The following RASGEF1C variants were observed in gnomAD, a reference collection of about 807,000 sequenced individuals.
The protein encoded by RASGEF1C is RasGEF domain family member 1C.
RASGEF1C carries 27 observed loss-of-function variants against 58.1 expected under a neutral mutation model. That is an observed-to-expected ratio of 0.46 (90% CI 0.34 to 0.64). The LOEUF (loss-of-function observed/expected upper bound fraction) is 0.64. Among genes scored for constraint, RASGEF1C ranks in the 30% least tolerant of loss-of-function variants. The pLI is 0.01. For synonymous variants in RASGEF1C, 243 were observed against 246.3 expected, an observed-to-expected ratio of 0.99 and a Z score of 0.13; for missense variants, 502 against 605.1, an observed-to-expected ratio of 0.83 and a Z score of 1.79.
intron 1 of RASGEF1C, among the ~76,000 whole-genome samples, chr5:180,182,294 T>C (rs1767352636): frequency 6.8e-6 from 1 of 148,012 alleles, no homozygotes; most frequent in Non-Finnish European, 1.5e-5. Flanking sequence ...GTGTCTGGAG[T>C]TTCTTCCTTC....
At chr5:180,128,663 T>C in intron 4 of RASGEF1C, 53 bp from the exon 5 acceptor site, 1 of 1,543,894 alleles carries the variant, frequency 6.5e-7, no homozygotes. Context: ...TCTGCATCTC[T>C]AACACTGGAA....
intron 1 of RASGEF1C, among the ~76,000 whole-genome samples, chr5:180,189,425 T>C (rs776168258): frequency 6.6e-6 from 1 of 152,200 alleles, no homozygotes; most frequent in Non-Finnish European, 1.5e-5. Context: ...CAAAACTATT[T>C]TGAAAAAGTA....
chr5:180,137,812 C>T lies in RASGEF1C; in HGVS notation c.177+64G>A, dbSNP rs1342453797. 5.6e-6 allele frequency: 9 copies of T among 1,602,198 alleles called. No individual in the cohort carries two copies. The highest frequency in any genetic ancestry group is 3.4e-5 in the South Asian group (3 of 89,016). Reference sequence around the variant, plus strand: ...ACCCTGGCCCAAGGTCACGCCCAACCCTGATGCCCCCCGTGCGTGGTGGAG... The same window carrying T: ...ACCCTGGCCCAAGGTCACGCCCAACTCTGATGCCCCCCGTGCGTGGTGGAG... On this transcript the variant is annotated intron_variant, in intron 2 of 13. Transcript: ENST00000361132. This position sits in a 1 kb window ranked among gnomAD's most constrained non-coding sequence, Gnocchi z 4.1.
chr5:180,179,460 G>A (rs929080878), intron 1 of RASGEF1C, among the ~76,000 whole-genome samples: 3 of 152,120 alleles, frequency 2.0e-5, no homozygotes, highest in Non-Finnish European at 4.4e-5. Context: ...ATGGTGTGCT[G>A]AGCAGACCAA....
rs1561747791 is a variant in RASGEF1C at position 180,163,253 on chromosome 5, C to CTTTTTTTT, written c.-6-25196_-6-25195insAAAAAAAA. 4.0e-4 allele frequency among the ~76,000 whole-genome samples: 2 copies of CTTTTTTTT among 5,056 alleles called. 1 individual carries two copies. The highest frequency in any genetic ancestry group is 2.1e-3 in the Non-Finnish European group (2 of 970). 3.3% of individuals were successfully genotyped at this position (5,056 alleles called of 152,430 possible). A position where few individuals can be genotyped will look rare whatever the true frequency, so the allele number is the denominator to read the frequency against. ...TCACTTTTTTTTTTTTTTTTTTTTTCCAGCCTATTGCACTGGCTAGGACTT... is the reference window on the plus strand; with the variant it reads ...TCACTTTTTTTTTTTTTTTTTTTTTCTTTTTTTTCAGCCTATTGCACTGGCTAGGACTT... On this transcript the variant is annotated intron_variant, in intron 1 of 13. Coordinates refer to ENST00000361132, the MANE Select transcript of RASGEF1C (RefSeq NM_175062.4).
intron 1 of RASGEF1C, among the ~76,000 whole-genome samples, chr5:180,154,946 C>T (rs1156383356): frequency 6.6e-6 from 1 of 152,146 alleles, no homozygotes; most frequent in Admixed American, 6.5e-5. Flanking sequence ...ATTGGTACAG[C>T]CTGAGTGGAA....
intron 1 of RASGEF1C, among the ~76,000 whole-genome samples, chr5:180,207,578 C>T (rs1348159896): frequency 8.5e-5 from 13 of 152,296 alleles, no homozygotes; most frequent in African/African-American, 2.4e-4. Context: ...TGGTGGCCTG[C>T]GGGCTCCCCC....
intron 11 of RASGEF1C, among the ~76,000 whole-genome samples, chr5:180,112,944 CGGGGATGGACGGAGGGACCG>C (rs2113242985): frequency 8.2e-6 from 1 of 121,794 alleles, no homozygotes; most frequent in Admixed American, 8.3e-5. Flanking sequence ...ACGGAGGGAC[CGGGGATGGACGGAGGGACCG>C]GGGATGGACG....
intron 1 of RASGEF1C, among the ~76,000 whole-genome samples, chr5:180,159,621 T>A (rs1295611616): frequency 6.6e-6 from 1 of 152,128 alleles, no homozygotes; most frequent in Non-Finnish European, 1.5e-5. Flanking sequence ...AGAGAGATGA[T>A]GGGGCTGCGG....
At chr5:180,207,858 G>C (rs114636781) in intron 1 of RASGEF1C, among the ~76,000 whole-genome samples, 8 of 152,190 alleles carry the variant, frequency 5.3e-5, no homozygotes, top group Non-Finnish European at 8.8e-5. Flanking sequence ...TCCCTGACCA[G>C]ACGAAGGCTC....
chr5:180,116,273 G>T (rs1277674329), intron 10 of RASGEF1C, among the ~76,000 whole-genome samples: 6 of 152,064 alleles, frequency 3.9e-5, no homozygotes, highest in Non-Finnish European at 5.9e-5. Context: ...CAGCTTGGAG[G>T]TCACCCGGAT....
At position 180,137,974 on chromosome 5, in the gene RASGEF1C, C is replaced by G. The variant is rs778277079; in HGVS notation, c.79G>C (p.Glu27Gln). 5 of 1,600,378 alleles carry G rather than the reference C, an allele frequency of 3.1e-6. No individual in the cohort carries two copies. Among genetic ancestry groups the G allele is most frequent in the Middle Eastern group, 3.4e-4 (2 of 5,872 alleles). The change falls in exon 2 of 14, where the codon GAA (glutamate) becomes CAA (glutamine). Residue 27 changes from glutamate to glutamine, a missense_variant. Coordinates refer to ENST00000361132, the MANE Select transcript of RASGEF1C (RefSeq NM_175062.4). This position sits in a 1 kb window ranked among gnomAD's most constrained non-coding sequence, Gnocchi z 4.1. ...SPPPTEPTDG[E>Q]QAGQPLLDGA... Reference sequence around the variant, plus strand: ...TCCAGGAGGGGCTGCCCAGCCTGTTCGCCATCTGTGGGCTCGGTGGGGGGT... The same window carrying G: ...TCCAGGAGGGGCTGCCCAGCCTGTTGGCCATCTGTGGGCTCGGTGGGGGGT...
chr5:180,198,923 G>A lies in RASGEF1C; in HGVS notation c.-7+10105C>T, dbSNP rs553909017. ...CACAGGTCCAGGCCTTGAGGCTGGA[G>A]GAGTGAGGAAGTAGGAGAAAGCCCC... On this transcript the variant is annotated intron_variant, in intron 1 of 13. Coordinates refer to ENST00000361132, the MANE Select transcript of RASGEF1C (RefSeq NM_175062.4). The surrounding 1 kb of genome is among the most constrained non-coding windows in gnomAD (Gnocchi z 4.5). 5.9e-5 allele frequency among the ~76,000 whole-genome samples: 9 copies of A among 152,206 alleles called. No individual in the cohort carries two copies. In the South Asian group the frequency reaches 1.0e-3, roughly 18 times the overall value.
chr5:180,117,629 C>G (rs1766090731), intron 10 of RASGEF1C, among the ~76,000 whole-genome samples: 1 of 152,178 alleles, frequency 6.6e-6, no homozygotes, highest in African/African-American at 2.4e-5. Flanking sequence ...TACCACATGC[C>G]ATGAGTAGAA....
chr5:180,124,003 A>T (rs904906250), intron 6 of RASGEF1C, among the ~76,000 whole-genome samples: 5 of 152,178 alleles, frequency 3.3e-5, no homozygotes, highest in African/African-American at 1.2e-4. Flanking sequence ...TAAAGAAGAA[A>T]CATAAAACCT....
At chr5:180,184,029 G>A (rs71613445) in intron 1 of RASGEF1C, among the ~76,000 whole-genome samples, 443 of 151,752 alleles carry the variant, frequency 2.9e-3, no homozygotes, top group Non-Finnish European at 5.3e-3. Context: ...AAAATTAGCC[G>A]GGTGTGGTGA....
intron 11 of RASGEF1C, among the ~76,000 whole-genome samples, chr5:180,113,570 C>T (rs1476834092): frequency 1.2e-4 from 7 of 60,462 alleles, no homozygotes; most frequent in East Asian, 1.3e-3. Flanking sequence ...GACGGAGGGA[C>T]CGGGGATGGA....
intron 1 of RASGEF1C, among the ~76,000 whole-genome samples, chr5:180,184,713 T>G (rs4367258): frequency 0.84 from 128,457 of 152,258 alleles, 54,293 homozygotes; most frequent in Admixed American, 0.88. Flanking sequence ...AAAGTGAAAG[T>G]ATGTAAAAAG....
intron 1 of RASGEF1C, among the ~76,000 whole-genome samples, chr5:180,190,611 T>C (rs1186768258): frequency 6.7e-6 from 1 of 150,206 alleles, no homozygotes; most frequent in African/African-American, 2.4e-5. Flanking sequence ...AAGGCTGCAG[T>C]GAGCTGTGAT....
Sources: allele counts gnomAD v4.1 joint callset (sites outside exome capture counted in the v4.1 genomes callset), GRCh38; gene constraint gnomAD v4.1.1; non-coding constraint Gnocchi (gnomAD v3.1); transcripts MANE v1.5; gene names NCBI Gene and HGNC (gene_info 2026-07-23, HGNC 2026-07-21).